CCDC60: variants seen among roughly 807,000 people sequenced by gnomAD.
The protein encoded by CCDC60 is coiled-coil domain-containing protein 60.
In CCDC60, 54 loss-of-function variants were observed where a neutral mutation model predicts 63.5. That is an observed-to-expected ratio of 0.85 (90% CI 0.68 to 1.07). CCDC60 has a LOEUF of 1.07. Among genes scored for constraint, CCDC60 ranks in the 50% least tolerant of loss-of-function variants. The pLI, the probability that CCDC60 is intolerant of heterozygous loss-of-function variation, is 0.00. For missense variants in CCDC60, 651 were observed against 684.3 expected, an observed-to-expected ratio of 0.95 and a Z score of 0.54; for synonymous variants, 206 against 238.8, an observed-to-expected ratio of 0.86 and a Z score of 1.27.
At chr12:119,359,969 A>G (rs1208430242) in intron 1 of CCDC60, among the ~76,000 whole-genome samples, 7 of 151,946 alleles carry the variant, frequency 4.6e-5, no homozygotes, top group Admixed American at 1.3e-4. Context: ...CCATTTCTCA[A>G]TCTTTTCCCC....
In CCDC60 at chr12:119,507,565, TATATGTATATATACAC is replaced by T. The variant is rs1213122153; in HGVS notation, c.883+2267_883+2282del. Among the ~76,000 whole-genome samples the T allele has an allele frequency of 4.4e-4, 30 of 67,562 alleles. 3 individuals carry two copies. Among genetic ancestry groups the T allele is most frequent in the African/African-American group, 2.4e-3 (29 of 11,844 alleles). The allele number at this position is 67,562 out of a possible 152,430, so 44.3% of individuals were successfully genotyped here. A position where few individuals can be genotyped will look rare whatever the true frequency, so the allele number is the denominator to read the frequency against. On this transcript the variant is annotated intron_variant, in intron 7 of 13. Coordinates refer to ENST00000327554, the MANE Select transcript of CCDC60 (RefSeq NM_178499.5). ...ACATATATATACATATATATATATATATATGTATATATACACATATATATACATATATATATATATA... is the reference window on the plus strand; with the variant it reads ...ACATATATATACATATATATATATATATATATATACATATATATATATATA...
intron 2 of CCDC60, among the ~76,000 whole-genome samples, chr12:119,450,868 AAGAG>A (rs55677949): frequency 0.017 from 2,407 of 141,698 alleles, 51 homozygotes; most frequent in African/African-American, 0.058. Context: ...AAAAAAAAAA[AAGAG>A]AGAGAGAGAG....
At chr12:119,377,739 C>T (rs1185063560) in intron 1 of CCDC60, among the ~76,000 whole-genome samples, 2 of 152,242 alleles carry the variant, frequency 1.3e-5, no homozygotes, top group African/African-American at 2.4e-5. Context: ...CATTTTACCT[C>T]TACACATTTT....
At chr12:119,433,955 GA>G (rs2136242986) in intron 2 of CCDC60, among the ~76,000 whole-genome samples, 1 of 152,300 alleles carries the variant, frequency 6.6e-6, no homozygotes, top group South Asian at 2.1e-4. Flanking sequence ...GTTCTTGGCT[GA>G]CTCTTGAAGT....
chr12:119,501,847 A>C (rs1464037853), intron 6 of CCDC60, among the ~76,000 whole-genome samples: 1 of 152,004 alleles, frequency 6.6e-6, no homozygotes, highest in Non-Finnish European at 1.5e-5. Context: ...AGCACGTTCC[A>C]CTCTGGGCAT....
intron 1 of CCDC60, among the ~76,000 whole-genome samples, chr12:119,411,159 G>A (rs141966197): frequency 3.9e-4 from 60 of 152,244 alleles, no homozygotes; most frequent in African/African-American, 1.2e-3. Context: ...GTAGAGAAAC[G>A]TGATTGGACA....
In CCDC60 at chr12:119,505,303, A is replaced by T; in HGVS notation, c.883A>T (p.Asn295Tyr). Residue 295 changes from asparagine (N) to tyrosine (Y), a missense_variant and splice_region_variant, in exon 7 of 14, where the codon AAT becomes TAT. By Grantham distance (143) the Asn-to-Tyr change is moderately radical. Transcript: ENST00000327554. ...GCCAGATGAAGAACCTCTGTATATGAGTAAGTCCTACCTGAGATCTGACTC... is the reference window on the plus strand; with the variant it reads ...GCCAGATGAAGAACCTCTGTATATGTGTAAGTCCTACCTGAGATCTGACTC... ...TKPDEEPLYM[N>Y]LQKLLEMVRE... The T allele has an allele frequency of 6.3e-7, 1 of 1,596,238 alleles. No homozygotes were observed. Among genetic ancestry groups the T allele is most frequent in the Non-Finnish European group, 8.5e-7 (1 of 1,171,214 alleles).
At chr12:119,398,551 G>C (rs532144015) in intron 1 of CCDC60, among the ~76,000 whole-genome samples, 1 of 152,234 alleles carries the variant, frequency 6.6e-6, no homozygotes, top group Non-Finnish European at 1.5e-5. Flanking sequence ...CCGAGGAGGC[G>C]CCAAGAGTGA....
rs148513598 is a variant in CCDC60 at position 119,486,505 on chromosome 12, C to G, written c.450-2254C>G. On this transcript the variant is annotated intron_variant, in intron 4 of 13. Transcript: ENST00000327554. ...GCCTGGTGACAGAATGAGAGCCTGTCTCTTAAACAAATGTTTTATTTAATA... is the reference window on the plus strand; with the variant it reads ...GCCTGGTGACAGAATGAGAGCCTGTGTCTTAAACAAATGTTTTATTTAATA... 5.3e-5 allele frequency among the ~76,000 whole-genome samples: 8 copies of G among 152,248 alleles called. No homozygotes were observed. In the East Asian group the frequency reaches 1.3e-3, roughly 26 times the overall value.
intron 1 of CCDC60, among the ~76,000 whole-genome samples, chr12:119,344,669 C>T (rs924040649): frequency 3.2e-4 from 48 of 152,096 alleles, no homozygotes; most frequent in Admixed American, 7.2e-4. Context: ...AAAATGAAGA[C>T]GAATATCTTT....
At chr12:119,496,811 T>G (rs925904488) in intron 5 of CCDC60, among the ~76,000 whole-genome samples, 1 of 152,170 alleles carries the variant, frequency 6.6e-6, no homozygotes, top group African/African-American at 2.4e-5. Context: ...ATTGTTAAAT[T>G]CACTCTTAAC....
At chr12:119,465,851 G>C (rs561645388) in intron 2 of CCDC60, among the ~76,000 whole-genome samples, 4 of 152,156 alleles carry the variant, frequency 2.6e-5, no homozygotes, top group African/African-American at 9.6e-5. Context: ...TCCAGACCAT[G>C]GCCACTCATA....
At chr12:119,482,019 G>GTATATATAGTATATATATT (rs1951334999) in intron 4 of CCDC60, among the ~76,000 whole-genome samples, 1 of 125,202 alleles carries the variant, frequency 8.0e-6, no homozygotes, top group African/African-American at 3.6e-5. Flanking sequence ...ATATATATAT[G>GTATATATAGTATATATATT]TATATATGTG....
intron 1 of CCDC60, among the ~76,000 whole-genome samples, chr12:119,342,398 A>T (rs1178814424): frequency 6.6e-6 from 1 of 152,234 alleles, no homozygotes; most frequent in Admixed American, 6.5e-5. Flanking sequence ...TAACATGAGT[A>T]TAGAAAGCAG....
rs1015715171 is a variant in CCDC60, at chr12:119,488,974, G to C, written c.557+108G>C. The C allele has an allele frequency of 8.0e-5, 70 of 871,314 alleles. No homozygotes were observed. In the South Asian group the frequency reaches 1.0e-3, roughly 13 times the overall value. The allele number at this position is 871,314 out of a possible 1,614,324, so 54.0% of individuals were successfully genotyped here. On this transcript the variant is annotated intron_variant, in intron 5 of 13. Transcript: ENST00000327554. ...CTTTGCTGTTTTTGGTAGGTGGGCT[G>C]TTTCAGTTCCTCTTCTATGTGCTCT...
At chr12:119,451,860 G>A (rs1237568384) in intron 2 of CCDC60, among the ~76,000 whole-genome samples, 2 of 152,218 alleles carry the variant, frequency 1.3e-5, no homozygotes, top group Non-Finnish European at 2.9e-5. Context: ...TGTGAATCAT[G>A]AGAAATGTTG....
At chr12:119,363,712 G>T (rs1955814113) in intron 1 of CCDC60, among the ~76,000 whole-genome samples, 1 of 152,162 alleles carries the variant, frequency 6.6e-6, no homozygotes, top group Non-Finnish European at 1.5e-5. Flanking sequence ...GCAGCCTGGA[G>T]AGCTGCTTTA....
chr12:119,342,385 A>C (rs766991116), intron 1 of CCDC60, among the ~76,000 whole-genome samples: 5 of 152,252 alleles, frequency 3.3e-5, no homozygotes, highest in Non-Finnish European at 5.9e-5. Flanking sequence ...GAAAGTATGC[A>C]TCTAACATGA....
Position 119,472,067 on chromosome 12 carries a change from A to T in CCDC60, c.244A>T (p.Lys82Ter). ...ILREETAKKK[K>*]QQQLQKLKEE... ...GAGGGAAGAGACTGCAAAGAAAAAG[A>T]AGCAACAACAACTTCAGAAACTGAA... The change falls in exon 3 of 14, where the codon AAG becomes TAG. Residue 82 changes from lysine to a stop codon, truncating the protein, a stop_gained. Coordinates refer to ENST00000327554, the MANE Select transcript of CCDC60 (RefSeq NM_178499.5). LOFTEE classifies it high-confidence loss of function. 6.2e-7 allele frequency: 1 copy of T among 1,614,172 alleles called. No individual in the cohort carries two copies. Among genetic ancestry groups the T allele is most frequent in the African/African-American group, 1.3e-5 (1 of 75,052 alleles).
Sources: allele counts gnomAD v4.1 joint callset (sites outside exome capture counted in the v4.1 genomes callset), GRCh38; gene constraint gnomAD v4.1.1; transcripts MANE v1.5; gene names NCBI Gene and HGNC (gene_info 2026-07-23, HGNC 2026-07-21).